The following MAPKAP1 variants were observed in gnomAD, a reference collection of about 807,000 sequenced individuals.
MAPKAP1 encodes MAPK associated protein 1, also known as target of rapamycin complex 2 subunit MAPKAP1.
MAPKAP1 carries 20 observed loss-of-function variants against 65.7 expected under a neutral mutation model. That is an observed-to-expected ratio of 0.30 (90% confidence interval 0.21 to 0.44). The LOEUF (loss-of-function observed/expected upper bound fraction) is 0.44. MAPKAP1 is among the 20% of genes least tolerant of loss of function. MAPKAP1 has a pLI of 1.00. For missense variants in MAPKAP1, 423 were observed against 648.0 expected (o/e 0.65, Z 3.77); for synonymous variants, 222 against 244.3 (o/e 0.91, Z 0.85).
chr9:125,616,742 A>C (rs527567963), intron 4 of MAPKAP1, among the ~76,000 whole-genome samples: 5 of 152,320 alleles, frequency 3.3e-5, no homozygotes, highest in Admixed American at 3.3e-4. Context: ...GGGAATAACC[A>C]CTTTGTAAGA....
At chr9:125,647,267 T>C (rs929610736) in intron 4 of MAPKAP1, among the ~76,000 whole-genome samples, 1 of 152,238 alleles carries the variant, frequency 6.6e-6, no homozygotes, top group Non-Finnish European at 1.5e-5. Context: ...GAAATACTAA[T>C]AAAACACAGC....
intron 9 of MAPKAP1, 83 bp downstream of exon 9, chr9:125,484,360 A>G: frequency 7.3e-7 from 1 of 1,377,664 alleles, no homozygotes; most frequent in Non-Finnish European, 9.7e-7. Flanking sequence ...CAGGTCACAT[A>G]AAAGTTGTAT....
In MAPKAP1 at chr9:125,656,683, GC is replaced by G. The variant is rs1176167947; in HGVS notation, c.498+967del. On this transcript the variant is annotated intron_variant, in intron 4 of 11. Coordinates refer to ENST00000265960, the MANE Select transcript of MAPKAP1 (RefSeq NM_001006617.3). ...AGCTGTATGTTTATTAACTGCAATG[GC>G]GCTGAAGTAAGACAAATTATACACA... is the stretch of plus-strand genomic sequence containing the variant. Among the ~76,000 whole-genome samples, 18 of 152,078 alleles carry G rather than the reference GC, an allele frequency of 1.2e-4. No individual in the cohort carries two copies. In the South Asian group the frequency reaches 1.2e-3, roughly 11 times the overall value.
chr9:125,483,918 C>T (rs1854404801), intron 9 of MAPKAP1, among the ~76,000 whole-genome samples: 1 of 152,200 alleles, frequency 6.6e-6, no homozygotes, highest in South Asian at 2.1e-4. Flanking sequence ...ATGTTGCTTA[C>T]TATGACACTT....
chr9:125,550,552 T>A (rs924387806), intron 6 of MAPKAP1, among the ~76,000 whole-genome samples: 3 of 152,240 alleles, frequency 2.0e-5, no homozygotes, highest in Admixed American at 6.5e-5. Context: ...GACATTCCAG[T>A]GAGCAAAACA....
At chr9:125,479,254 T>C (rs1405762489) in intron 9 of MAPKAP1, among the ~76,000 whole-genome samples, 1 of 152,234 alleles carries the variant, frequency 6.6e-6, no homozygotes, top group Non-Finnish European at 1.5e-5. Flanking sequence ...CTGTGTCATA[T>C]GTTTCATTAA....
At chr9:125,484,343 A>T in intron 9 of MAPKAP1, 100 bp downstream of exon 9, 3 of 1,204,112 alleles carry the variant, frequency 2.5e-6, no homozygotes, top group Non-Finnish European at 3.3e-6. Flanking sequence ...AATTACTTTT[A>T]GTCATTCAGG....
At chr9:125,546,242 G>T (rs1830420518) in intron 6 of MAPKAP1, among the ~76,000 whole-genome samples, 1 of 152,156 alleles carries the variant, frequency 6.6e-6, no homozygotes, top group Non-Finnish European at 1.5e-5. Flanking sequence ...GTAAAAACGT[G>T]CACGTTAAAA....
intron 5 of MAPKAP1, chr9:125,565,637 T>C: frequency 2.5e-6 from 1 of 405,758 alleles, no homozygotes; most frequent in South Asian, 1.9e-5. Context: ...GAAAAGGCGT[T>C]TAAGGTGATC....
rs116903640 is a variant in MAPKAP1, at chr9:125,487,938, G to T, written c.1067-3355C>A. ...CCTAAATTTGCTGTGGGAGATTAAT[G>T]AAAACTTTATATTTTGCTGAAATGT... is the stretch of plus-strand genomic sequence containing the variant. On this transcript the variant is annotated intron_variant, in intron 8 of 11. Transcript: ENST00000265960. Among the ~76,000 whole-genome samples, 476 of 152,306 alleles carry T rather than the reference G, an allele frequency of 3.1e-3. 2 individuals carry two copies. Among genetic ancestry groups the T allele is most frequent in the Middle Eastern group, 6.8e-3 (2 of 294 alleles).
At chr9:125,468,248 C>G (rs28394762) in intron 9 of MAPKAP1, 139 bp from the exon 10 acceptor site, 1 of 778,730 alleles carries the variant, frequency 1.3e-6, no homozygotes, top group African/African-American at 1.8e-5. Flanking sequence ...GGGAATGCCA[C>G]GGGCTTCCTG....
chr9:125,569,012 G>A (rs1228436343), intron 5 of MAPKAP1, among the ~76,000 whole-genome samples: 4 of 152,208 alleles, frequency 2.6e-5, no homozygotes, highest in Non-Finnish European at 5.9e-5. Context: ...TTTGTGCTAT[G>A]AATTAGTCGT....
chr9:125,591,216 C>T (rs1204062707), intron 4 of MAPKAP1, among the ~76,000 whole-genome samples: 3 of 152,218 alleles, frequency 2.0e-5, no homozygotes, highest in Non-Finnish European at 4.4e-5. Context: ...ACACCAACGC[C>T]TTCTTTCCCT....
At chr9:125,676,678 G>C (rs908900402) in intron 1 of MAPKAP1, among the ~76,000 whole-genome samples, 2 of 152,204 alleles carry the variant, frequency 1.3e-5, no homozygotes, top group Non-Finnish European at 1.5e-5. Context: ...AAAAGTTATG[G>C]AAATGGACAG....
chr9:125,489,614 A>G (rs1854626251), intron 8 of MAPKAP1, among the ~76,000 whole-genome samples: 1 of 152,112 alleles, frequency 6.6e-6, no homozygotes, highest in Non-Finnish European at 1.5e-5. Context: ...CAGGAGGAGA[A>G]GCAGCTTAAG....
chr9:125,503,899 T>TTTTTTG, intron 8 of MAPKAP1, among the ~76,000 whole-genome samples: 1 of 130,738 alleles, frequency 7.6e-6, no homozygotes, highest in East Asian at 2.1e-4. Context: ...TTTTTTTTTT[T>TTTTTTG]TTTTTTTTTG....
At chr9:125,464,079 T>G (rs1853591705) in intron 10 of MAPKAP1, among the ~76,000 whole-genome samples, 1 of 151,918 alleles carries the variant, frequency 6.6e-6, no homozygotes, top group Non-Finnish European at 1.5e-5. Flanking sequence ...AGCCTGTGTC[T>G]AGAACTGGAC....
chr9:125,545,093 G>C (rs893894398), intron 6 of MAPKAP1, among the ~76,000 whole-genome samples: 1 of 152,170 alleles, frequency 6.6e-6, no homozygotes, highest in Non-Finnish European at 1.5e-5. Context: ...GCAGGCCTGA[G>C]AACTGTCAAG....
At chr9:125,698,336 T>TATATATAA (rs1835492416) in intron 1 of MAPKAP1, among the ~76,000 whole-genome samples, 1 of 112,594 alleles carries the variant, frequency 8.9e-6, no homozygotes, top group South Asian at 2.9e-4. Flanking sequence ...TATATATATA[T>TATATATAA]AAAATATATA....
Sources: allele counts gnomAD v4.1 joint callset (sites outside exome capture counted in the v4.1 genomes callset), GRCh38; gene constraint gnomAD v4.1.1; transcripts MANE v1.5; gene names NCBI Gene and HGNC (gene_info 2026-07-23, HGNC 2026-07-21).